The following GPLD1 variants were observed in gnomAD, a reference collection of about 807,000 sequenced individuals.
GPLD1 encodes the protein glycosylphosphatidylinositol specific phospholipase D1.
Under a neutral mutation model 112.6 loss-of-function variants are expected in GPLD1, and 84 were observed. The ratio of observed to expected loss-of-function variants is 0.75; its 90% CI spans 0.63 to 0.89. The LOEUF (loss-of-function observed/expected upper bound fraction) is 0.89, where lower values mean the gene tolerates loss of function less well. Among genes scored for constraint, GPLD1 ranks in the 40% least tolerant of loss-of-function variants. The pLI is 0.00. For missense variants in GPLD1, 1,044 were observed against 1,051.5 expected, an observed-to-expected ratio of 0.99 and a Z score of 0.10; for synonymous variants, 386 against 403.8, an observed-to-expected ratio of 0.96 and a Z score of 0.53.
chr6:24,443,088 T>C (rs1762797616), intron 20 of GPLD1, among the ~76,000 whole-genome samples: 1 of 152,218 alleles, frequency 6.6e-6, no homozygotes, highest in Non-Finnish European at 1.5e-5. Flanking sequence ...CTGACTGCTA[T>C]GGTTACTACT....
chr6:24,448,349 G>C, intron 15 of GPLD1, 141 bp from the exon 16 acceptor site: 1 of 381,268 alleles, frequency 2.6e-6, no homozygotes, highest in Non-Finnish European at 5.1e-6. Flanking sequence ...GGAGGCCCAA[G>C]TGGGAACATT....
intron 10 of GPLD1, among the ~76,000 whole-genome samples, chr6:24,465,229 G>A (rs12208521): frequency 9.3e-5 from 13 of 140,010 alleles, no homozygotes; most frequent in Admixed American, 2.9e-4. Context: ...GAAAAGAAAA[G>A]AAAAGAAAAA....
In GPLD1 at chr6:24,429,071, G is replaced by A; in HGVS notation, c.2484C>T (p.Leu828=). ...AAGRSSLGAR[L]SGALHVYSLG... ...GGCTATAGACGTGAAGTGCCCCGGA[G>A]AGTCGGGCTCCCAAAGAACTCCTTC... The change falls in exon 25 of 25, where the codon CTC becomes CTT. Residue 828 remains leucine, a synonymous_variant. Transcript: ENST00000230036. 6.2e-7 allele frequency: 1 copy of A among 1,613,818 alleles called. No individual in the cohort carries two copies. Among genetic ancestry groups the A allele is most frequent in the Middle Eastern group, 1.6e-4 (1 of 6,062 alleles).
intron 1 of GPLD1, among the ~76,000 whole-genome samples, chr6:24,487,471 AG>A (rs1764416991): frequency 6.6e-6 from 1 of 152,084 alleles, no homozygotes; most frequent in South Asian, 2.1e-4. Context: ...TACTTAATGA[AG>A]AAGGGCAAGC....
At chr6:24,482,342 A>G (rs1454944908) in intron 2 of GPLD1, among the ~76,000 whole-genome samples, 1 of 151,590 alleles carries the variant, frequency 6.6e-6, no homozygotes, top group African/African-American at 2.4e-5. Flanking sequence ...GTGCAATGGC[A>G]TGATCTCGGC....
chr6:24,435,865 T>C lies in GPLD1; in HGVS notation c.2358+711A>G, dbSNP rs564175716. 5 of 117,398 alleles carry C rather than the reference T, an allele frequency of 4.3e-5. No individual in the cohort carries two copies. In the South Asian group the frequency reaches 1.4e-3, roughly 32 times the overall value. The allele number at this position is 117,398 out of a possible 1,614,324, so 7.3% of individuals were successfully genotyped here. ...AAAAAAAAGTTAAATAATGGCCAAA[T>C]GCTTTAGGCCCAGGAAATGTAACTT... On this transcript the variant is annotated intron_variant, in intron 22 of 24. Coordinates refer to ENST00000230036, the MANE Select transcript of GPLD1 (RefSeq NM_001503.4).
chr6:24,434,583 A>AT (rs1762509708), intron 22 of GPLD1, among the ~76,000 whole-genome samples: 1 of 152,062 alleles, frequency 6.6e-6, no homozygotes, highest in South Asian at 2.1e-4. Flanking sequence ...CTGATCTTTA[A>AT]TTTTTTTATT....
At chr6:24,489,367 G>A (rs773727381) in intron 1 of GPLD1, 48 bp downstream of exon 1, 7 of 1,310,550 alleles carry the variant, frequency 5.3e-6, no homozygotes, top group African/African-American at 1.5e-5. Flanking sequence ...TAATGTCTTT[G>A]ACAGATGTAT....
chr6:24,488,656 G>T (rs1581794210), intron 1 of GPLD1, among the ~76,000 whole-genome samples: 1 of 152,256 alleles, frequency 6.6e-6, no homozygotes, highest in East Asian at 1.9e-4. Context: ...TAATTAGCTT[G>T]ATTGTGCTAA....
rs1248780642 is a variant in GPLD1 at position 24,426,166 on chromosome 6, G to C, written c.*2866C>G. On this transcript the variant is annotated 3_prime_UTR_variant, in exon 25 of 25. Coordinates refer to ENST00000230036, the MANE Select transcript of GPLD1 (RefSeq NM_001503.4). ...ATATGTAAATGTCTTCTGATATCTT[G>C]AAATAAAGATAAATTTCAGTTAAAC... 1 of 152,170 alleles carries C rather than the reference G, an allele frequency of 6.6e-6. No homozygotes were observed. Among genetic ancestry groups the C allele is most frequent in the Non-Finnish European group, 1.5e-5 (1 of 68,022 alleles). The allele number at this position is 152,170 out of a possible 1,614,324, so 9.4% of individuals were successfully genotyped here.
chr6:24,446,698 T>C lies in GPLD1; in HGVS notation c.1820+140A>G, dbSNP rs193301766. 51 of 700,050 alleles carry C rather than the reference T, an allele frequency of 7.3e-5. No individual in the cohort carries two copies. In the African/African-American group the frequency reaches 9.4e-4, roughly 13 times the overall value. The allele number at this position is 700,050 out of a possible 1,614,324, so 43.4% of individuals were successfully genotyped here. A position where few individuals can be genotyped will look rare whatever the true frequency, so the allele number is the denominator to read the frequency against. On this transcript the variant is annotated intron_variant, in intron 18 of 24. Coordinates refer to ENST00000230036, the MANE Select transcript of GPLD1 (RefSeq NM_001503.4). ...AATTTCTAAGGAGGAGAATTTGCAA[T>C]CTTGCCCAGAGCCTTGGCTTTTCCT...
intron 2 of GPLD1, among the ~76,000 whole-genome samples, chr6:24,481,170 T>C (rs114343627): frequency 0.015 from 2,252 of 152,322 alleles, 30 homozygotes; most frequent in South Asian, 0.037. Flanking sequence ...GAGTCCTTTC[T>C]GGACACCTGG....
intron 3 of GPLD1, among the ~76,000 whole-genome samples, chr6:24,478,964 T>C (rs567240847): frequency 6.6e-6 from 1 of 152,114 alleles, no homozygotes; most frequent in East Asian, 1.9e-4. Context: ...AGCAGAAGCA[T>C]TGCCATCTTG....
At chr6:24,468,858 T>C (rs1763706343) in intron 7 of GPLD1, among the ~76,000 whole-genome samples, 1 of 152,218 alleles carries the variant, frequency 6.6e-6, no homozygotes, top group Non-Finnish European at 1.5e-5. Context: ...AACCAAGATG[T>C]GCTCCAACAG....
intron 1 of GPLD1, among the ~76,000 whole-genome samples, chr6:24,488,995 T>C (rs1764474877): frequency 6.6e-6 from 1 of 152,190 alleles, no homozygotes; most frequent in African/African-American, 2.4e-5. Context: ...CACATATGGC[T>C]CTTTACATAT....
At chr6:24,442,207 T>C (rs956052777) in intron 20 of GPLD1, among the ~76,000 whole-genome samples, 3 of 151,156 alleles carry the variant, frequency 2.0e-5, no homozygotes, top group African/African-American at 7.3e-5. Flanking sequence ...ACTGCAGCCT[T>C]GAACTCCTGG....
At chr6:24,484,620 C>T (rs1764312668) in intron 2 of GPLD1, among the ~76,000 whole-genome samples, 1 of 152,170 alleles carries the variant, frequency 6.6e-6, no homozygotes, top group Non-Finnish European at 1.5e-5. Flanking sequence ...ACTAGAATAC[C>T]TTGTAGAATA....
At chr6:24,467,361 T>G (rs1405525147) in intron 7 of GPLD1, 87 bp from the exon 8 acceptor site, 1 of 769,624 alleles carries the variant, frequency 1.3e-6, no homozygotes, top group African/African-American at 1.7e-5. Flanking sequence ...AGTTATTCCG[T>G]GATTATTTTG....
chr6:24,495,113 CG>C, exon 1 of GPLD1: 1 of 1,311,064 alleles, frequency 7.6e-7, no homozygotes, highest in Non-Finnish European at 9.6e-7. Flanking sequence ...GGCCTGCGCC[CG>C]GCCCGGCCCA....
Sources: gnomAD v4.1 joint callset for allele counts (sites outside exome capture counted in the v4.1 genomes callset) on GRCh38, gnomAD v4.1.1 for gene constraint, MANE v1.5 for transcripts, NCBI Gene and HGNC (gene_info 2026-07-23, HGNC 2026-07-21) for gene names.